LRRC28: variants seen among roughly 807,000 people sequenced by gnomAD.
The protein encoded by LRRC28 is leucine rich repeat containing 28, also known as leucine-rich repeat-containing protein 28.
In LRRC28, 39 loss-of-function variants were observed where a neutral mutation model predicts 45.7. The observed-to-expected ratio is 0.85, with a 90% confidence interval of 0.66 to 1.12. The LOEUF is 1.12. Among genes scored for constraint, LRRC28 ranks in the 50% most tolerant of loss-of-function variants. The probability of loss-of-function intolerance (pLI) is 0.00; values close to 1 mark genes in which losing one functional copy is unlikely to be tolerated. For missense variants in LRRC28, 435 were observed against 438.5 expected, an observed-to-expected ratio of 0.99 and a Z score of 0.07; for synonymous variants, 206 against 178.8, an observed-to-expected ratio of 1.15 and a Z score of -1.22.
At chr15:99,378,395 C>T (rs964392881) in intron 9 of LRRC28, among the ~76,000 whole-genome samples, 3 of 152,124 alleles carry the variant, frequency 2.0e-5, no homozygotes, top group African/African-American at 4.8e-5. Context: ...ATTTTGTATC[C>T]TGAGACTTTG....
In LRRC28 at chr15:99,387,101, C is replaced by T. The variant is rs534068720; in HGVS notation, c.*999C>T. 1.9e-4 allele frequency: 28 copies of T among 144,344 alleles called. No individual in the cohort carries two copies. The highest frequency in any genetic ancestry group is 3.2e-4 in the African/African-American group (13 of 40,322). The allele number at this position is 144,344 out of a possible 1,614,324, so 8.9% of individuals were successfully genotyped here. On this transcript the variant is annotated 3_prime_UTR_variant, in exon 10 of 10. Transcript: ENST00000301981. ...GTTGAGACGGAGTCTCGCTCTGTCG[C>T]CCAGGCTGGAGTGCAGTGGCGGGAT...
At chr15:99,367,522 A>AT (rs1259806648) in intron 9 of LRRC28, among the ~76,000 whole-genome samples, 7 of 152,162 alleles carry the variant, frequency 4.6e-5, no homozygotes, top group Admixed American at 4.6e-4. Flanking sequence ...AATGGCACTC[A>AT]TGAGGGCAGA....
intron 6 of LRRC28, 29 bp downstream of exon 6, chr15:99,334,158 C>T (rs7177149): frequency 0.1 from 161,239 of 1,610,312 alleles, 10,707 homozygotes; most frequent in East Asian, 0.34. Flanking sequence ...AGTAAAGCAG[C>T]CAAAGAATAA....
chr15:99,376,771 A>G (rs1003185045), intron 9 of LRRC28, among the ~76,000 whole-genome samples: 2 of 151,648 alleles, frequency 1.3e-5, no homozygotes, highest in African/African-American at 2.4e-5. Flanking sequence ...TTCAATTCCC[A>G]CCTATGAGTG....
intron 9 of LRRC28, among the ~76,000 whole-genome samples, chr15:99,369,835 A>G (rs899666936): frequency 1.3e-5 from 2 of 152,212 alleles, no homozygotes; most frequent in African/African-American, 4.8e-5. Context: ...CGGTAACCCA[A>G]TGGTTCTTCC....
intron 7 of LRRC28, among the ~76,000 whole-genome samples, chr15:99,354,377 T>C (rs187816360): frequency 6.6e-6 from 1 of 152,348 alleles, no homozygotes; most frequent in East Asian, 1.9e-4. Flanking sequence ...CTTCTGCCTC[T>C]TTTATCTGTT....
chr15:99,287,814 C>T lies in LRRC28; in HGVS notation c.248C>T (p.Ala83Val), dbSNP rs2081998117. The change falls in exon 5 of 10, where the codon GCC becomes GTC. Residue 83 changes from alanine to valine, a missense_variant and splice_region_variant. Physicochemically the swap from Ala to Val is moderately conservative, Grantham distance 64. Transcript: ENST00000301981. The part of the protein sequence containing the change: ...HSNNIVVVPE[A>V]IGSLVKLQCL... ...TTGCCTTCTCCTTTTCTCTTTGAAGCCATTGGGTCTCTTGTAAAACTCCAA... is the reference window on the plus strand; with the variant it reads ...TTGCCTTCTCCTTTTCTCTTTGAAGTCATTGGGTCTCTTGTAAAACTCCAA... 6.2e-7 allele frequency: 1 copy of T among 1,601,130 alleles called. No individual in the cohort carries two copies. The highest frequency in any genetic ancestry group is 1.3e-5 in the African/African-American group (1 of 74,430).
At chr15:99,282,177 G>GTTTTTTTTTTGTTTGTTTGTT (rs2081815345) in intron 3 of LRRC28, among the ~76,000 whole-genome samples, 2 of 98,048 alleles carry the variant, frequency 2.0e-5, no homozygotes, top group African/African-American at 9.6e-5. Context: ...ATTTTTGGAG[G>GTTTTTTTTTTGTTTGTTTGTT]TTTTTTTTTT....
chr15:99,290,118 T>C (rs1034260145), intron 5 of LRRC28, among the ~76,000 whole-genome samples: 5 of 151,208 alleles, frequency 3.3e-5, no homozygotes, highest in Non-Finnish European at 2.9e-5. Flanking sequence ...ATTAGCCGGG[T>C]GTGGTGGCAT....
chr15:99,307,215 T>C (rs953334270), intron 5 of LRRC28, among the ~76,000 whole-genome samples: 1 of 152,194 alleles, frequency 6.6e-6, no homozygotes, highest in Non-Finnish European at 1.5e-5. Context: ...CACTGTGGGT[T>C]GGGTAGGGAG....
chr15:99,381,755 G>A (rs1957832190), intron 9 of LRRC28, among the ~76,000 whole-genome samples: 1 of 152,228 alleles, frequency 6.6e-6, no homozygotes, highest in Non-Finnish European at 1.5e-5. Flanking sequence ...TAACAGTCAG[G>A]ACCCTTAGCT....
chr15:99,353,939 C>G (rs188566576), intron 7 of LRRC28: 185 of 152,270 alleles, frequency 1.2e-3, no homozygotes, highest in African/African-American at 4.3e-3. Context: ...TAGTGAATTT[C>G]ATGAGAACTC....
In LRRC28 at chr15:99,386,020, C is replaced by T; in HGVS notation, c.1032-10C>T. 2 of 1,613,000 alleles carry T rather than the reference C, an allele frequency of 1.2e-6. No homozygotes were observed. Among genetic ancestry groups the T allele is most frequent in the Non-Finnish European group, 1.7e-6 (2 of 1,179,176 alleles). Reference sequence around the variant, plus strand: ...TCACAGCGTTCTTCTCTCCCTTTTTCCCCTTCCAGGAAGACAACTGTTAGT... The same window carrying T: ...TCACAGCGTTCTTCTCTCCCTTTTTTCCCTTCCAGGAAGACAACTGTTAGT... On this transcript the variant is annotated splice_polypyrimidine_tract_variant and intron_variant, in intron 9 of 9. Transcript: ENST00000301981.
rs764577222 is a variant in LRRC28, at chr15:99,256,011, G to A, written c.54G>A (p.Lys18=). ...TISVARLEKH[K]NLFLNYRNLH... ...CTGTGGCAAGGCTAGAAAAGCACAA[G>A]AATTTGTTCTTAAATTATAGGAATC... Residue 18 remains lysine (K), a synonymous_variant, in exon 2 of 10, where the codon AAG becomes AAA. Coordinates refer to ENST00000301981, the MANE Select transcript of LRRC28 (RefSeq NM_144598.5). 5 of 1,613,218 alleles carry A rather than the reference G, an allele frequency of 3.1e-6. No homozygotes were observed. In the South Asian group the frequency reaches 3.3e-5, roughly 11 times the overall value.
At chr15:99,268,569 A>G (rs570947246) in intron 2 of LRRC28, among the ~76,000 whole-genome samples, 1 of 152,334 alleles carries the variant, frequency 6.6e-6, no homozygotes, top group South Asian at 2.1e-4. Context: ...GTGAGACACC[A>G]GTGCCTAACT....
rs1416696081 is a variant in LRRC28 at position 99,311,612 on chromosome 15, A to G, written c.386-22311A>G. Among the ~76,000 whole-genome samples the G allele has an allele frequency of 4.6e-5, 7 of 152,334 alleles. No homozygotes were observed. The South Asian group carries it at 8.3e-4, about 18-fold the overall frequency. ...TGGCAAACTATGACACACAGACCCA[A>G]TCTGGTCATTGGTCTTTTTGTGGTT... On this transcript the variant is annotated intron_variant, in intron 5 of 9. Coordinates refer to ENST00000301981, the MANE Select transcript of LRRC28 (RefSeq NM_144598.5).
chr15:99,258,953 T>G (rs2081109995), intron 2 of LRRC28: 2 of 739,290 alleles, frequency 2.7e-6, no homozygotes, highest in African/African-American at 1.7e-5. Flanking sequence ...TTTGAATGTT[T>G]CCTGTGAGAC....
intron 5 of LRRC28, among the ~76,000 whole-genome samples, chr15:99,309,692 C>T (rs768664347): frequency 6.6e-6 from 1 of 152,164 alleles, no homozygotes; most frequent in Non-Finnish European, 1.5e-5. Flanking sequence ...CAGGTGTGAA[C>T]CACCACGCCC....
intron 5 of LRRC28, among the ~76,000 whole-genome samples, chr15:99,305,631 A>T (rs1955155565): frequency 6.6e-6 from 1 of 152,208 alleles, no homozygotes; most frequent in African/African-American, 2.4e-5. Flanking sequence ...AAAGAATGTT[A>T]ATTAATAGCT....
Sources: gnomAD v4.1 joint callset for allele counts (sites outside exome capture counted in the v4.1 genomes callset) on GRCh38, gnomAD v4.1.1 for gene constraint, MANE v1.5 for transcripts, NCBI Gene and HGNC (gene_info 2026-07-23, HGNC 2026-07-21) for gene names.